PTPN22: variants seen among roughly 807,000 people sequenced by gnomAD.
PTPN22 encodes tyrosine-protein phosphatase non-receptor type 22.
In PTPN22, 85 loss-of-function variants were observed where a neutral mutation model predicts 103.3. The ratio of observed to expected loss-of-function variants is 0.82; its 90% CI spans 0.69 to 0.99. PTPN22 has a LOEUF of 0.99. PTPN22 is among the 50% of genes least tolerant of loss of function. PTPN22 has a pLI of 0.00. For missense variants in PTPN22, 865 were observed against 936.9 expected (o/e 0.92, Z 1.00); for synonymous variants, 323 against 310.2 (o/e 1.04, Z -0.43).
chr1:113,857,606 T>C, intron 5 of PTPN22, 132 bp downstream of exon 5: 1 of 770,306 alleles, frequency 1.3e-6, no homozygotes, highest in Non-Finnish European at 2.1e-6. Context: ...CACGTGGCAT[T>C]CCCAAACTGA....
chr1:113,871,693 G>T, exon 1 of PTPN22: 1 of 1,417,142 alleles, frequency 7.1e-7, no homozygotes, highest in Non-Finnish European at 9.9e-7. Context: ...TCATGGCCGA[G>T]ACACCTCCAA....
chr1:113,853,611 A>G (rs1297450328), intron 9 of PTPN22, among the ~76,000 whole-genome samples: 3 of 151,812 alleles, frequency 2.0e-5, no homozygotes, highest in Non-Finnish European at 2.9e-5. Flanking sequence ...CGGCCTCCCA[A>G]AGTGCTGGGA....
intron 1 of PTPN22, 27 bp from the exon 2 acceptor site, chr1:113,859,487 A>G: frequency 1.3e-6 from 2 of 1,553,860 alleles, no homozygotes; most frequent in Non-Finnish European, 1.8e-6. Flanking sequence ...AGAAAAATTA[A>G]TCTTCCTAGA....
At chr1:113,818,993 A>C (rs1466194206) in intron 20 of PTPN22, among the ~76,000 whole-genome samples, 1 of 152,256 alleles carries the variant, frequency 6.6e-6, no homozygotes, top group Non-Finnish European at 1.5e-5. Context: ...TTTTAGTAGT[A>C]ATAGCCTACC....
intron 19 of PTPN22, among the ~76,000 whole-genome samples, chr1:113,823,985 T>A (rs775019774): frequency 1.3e-5 from 2 of 152,222 alleles, no homozygotes; most frequent in Non-Finnish European, 2.9e-5. Context: ...AGACTATACC[T>A]ACATCAGATT....
intron 11 of PTPN22, among the ~76,000 whole-genome samples, chr1:113,840,485 C>G (rs905010789): frequency 3.3e-5 from 5 of 152,018 alleles, no homozygotes; most frequent in Non-Finnish European, 7.4e-5. Context: ...ACCAAGGAGG[C>G]AAAAGACTTG....
intron 11 of PTPN22, 151 bp from the exon 12 acceptor site, chr1:113,838,771 C>G: frequency 7.9e-7 from 1 of 1,265,162 alleles, no homozygotes; most frequent in Non-Finnish European, 1.1e-6. Flanking sequence ...AAATATTGAA[C>G]TCAGCAAGAA....
chr1:113,840,368 G>A lies in PTPN22; in HGVS notation c.916-1748C>T, dbSNP rs531035131. On this transcript the variant is annotated intron_variant, in intron 11 of 20. Transcript: ENST00000359785. ...AGGATGTAAAATGAACACATAAAAC[G>A]AGTTGCATTTCTATACATTAGCAAT... 6.4e-4 allele frequency among the ~76,000 whole-genome samples: 97 copies of A among 152,024 alleles called. No individual in the cohort carries two copies. In the South Asian group the frequency reaches 9.2e-3, roughly 14 times the overall value.
At chr1:113,848,183 G>A (rs1474818143) in intron 11 of PTPN22, among the ~76,000 whole-genome samples, 1 of 151,722 alleles carries the variant, frequency 6.6e-6, no homozygotes, top group Non-Finnish European at 1.5e-5. Context: ...GGAGTAGCTG[G>A]GACTACAGGT....
chr1:113,855,007 C>G (rs760638506), exon 8 of PTPN22: 1 of 1,609,176 alleles, frequency 6.2e-7, no homozygotes, highest in East Asian at 2.2e-5. Context: ...ACATCATGGT[C>G]TGGCCAATTC....
rs563156760 is a variant in PTPN22, at chr1:113,870,950, T to G, written c.87+587A>C. 9.2e-5 allele frequency among the ~76,000 whole-genome samples: 14 copies of G among 152,260 alleles called. No individual in the cohort carries two copies. The South Asian group carries it at 1.2e-3, about 14-fold the overall frequency. The stretch of plus-strand genomic sequence containing the variant: ...CAGGAGGCTGAGGCAAGAGAATCAC[T>G]TGAGGCCAGGAGTTCAAGGCTACAG... On this transcript the variant is annotated intron_variant, in intron 1 of 20. Transcript: ENST00000359785.
rs1663278761 is a variant in PTPN22 at position 113,839,051 on chromosome 1, T to G, written c.916-431A>C. On this transcript the variant is annotated intron_variant, in intron 11 of 20. Coordinates refer to ENST00000359785, the Ensembl canonical transcript of PTPN22. ...TATACTGGTTTTCTTGCCATTACTT[T>G]AGCATGCCAAACTTATTTCCAAGTC... is the stretch of plus-strand genomic sequence containing the variant. Among the ~76,000 whole-genome samples the G allele has an allele frequency of 2.0e-5, 3 of 152,216 alleles. No homozygotes were observed. In the South Asian group the frequency reaches 6.2e-4, roughly 32 times the overall value.
chr1:113,815,742 G>A (rs1255520607), intron 20 of PTPN22, among the ~76,000 whole-genome samples: 1 of 152,090 alleles, frequency 6.6e-6, no homozygotes, highest in Non-Finnish European at 1.5e-5. Flanking sequence ...GCAGTGGCGC[G>A]ATCTCGGCCC....
intron 15 of PTPN22, 111 bp downstream of exon 15, chr1:113,834,198 C>T (rs1366931970): frequency 8.7e-7 from 1 of 1,146,714 alleles, no homozygotes; most frequent in African/African-American, 1.6e-5. Flanking sequence ...GCACATTGTT[C>T]TATATTTAGT....
At chr1:113,850,266 AAGG>A (rs1558043554) in intron 10 of PTPN22, among the ~76,000 whole-genome samples, 12 of 148,556 alleles carry the variant, frequency 8.1e-5, no homozygotes, top group African/African-American at 2.5e-4. Flanking sequence ...GGAAGGAAGG[AAGG>A]AAGGAAAGAA....
intron 1 of PTPN22, among the ~76,000 whole-genome samples, chr1:113,862,840 T>C (rs1665735539): frequency 6.6e-6 from 1 of 152,080 alleles, no homozygotes; most frequent in Non-Finnish European, 1.5e-5. Flanking sequence ...GGAATGGCAT[T>C]AGGAGCTCAG....
chr1:113,840,360 C>G (rs974255529), intron 11 of PTPN22, among the ~76,000 whole-genome samples: 1 of 151,854 alleles, frequency 6.6e-6, no homozygotes, highest in Non-Finnish European at 1.5e-5. Context: ...AAAATGAACA[C>G]ATAAAACGAG....
chr1:113,822,466 T>C (rs986863060), intron 19 of PTPN22, among the ~76,000 whole-genome samples: 4 of 152,222 alleles, frequency 2.6e-5, no homozygotes, highest in Admixed American at 2.6e-4. Flanking sequence ...TGCTCCTCCC[T>C]GATCTTTCCA....
In PTPN22 at chr1:113,855,031, G is replaced by A; in HGVS notation, c.559C>T (p.Gln187Ter). 6.2e-7 allele frequency: 1 copy of A among 1,610,044 alleles called. No homozygotes were observed. The highest frequency in any genetic ancestry group is 8.5e-7 in the Non-Finnish European group (1 of 1,176,778). The change falls in exon 8 of 21, where the codon CAG (glutamine) becomes TAG (stop). Residue 187 changes from glutamine (Q) to a stop codon, truncating the protein, a stop_gained. Coordinates refer to ENST00000359785, the Ensembl canonical transcript of PTPN22. LOFTEE classifies it high-confidence loss of function. Reference sequence around the variant, plus strand: ...TCTGGCCAATTCTTGTAATGAAACTGGTAGATAGTTCGAGTTTCCTATAAA... The same window carrying A: ...TCTGGCCAATTCTTGTAATGAAACTAGTAGATAGTTCGAGTTTCCTATAAA...
Sources: gnomAD v4.1 joint callset for allele counts (sites outside exome capture counted in the v4.1 genomes callset) on GRCh38, gnomAD v4.1.1 for gene constraint, MANE v1.5 for transcripts, NCBI Gene and HGNC (gene_info 2026-07-23, HGNC 2026-07-21) for gene names.